The following SLC5A8 variants were observed in gnomAD, a reference collection of about 807,000 sequenced individuals.
SLC5A8 encodes the protein sodium-coupled monocarboxylate transporter 1.
A neutral mutation model predicts 71.9 loss-of-function variants in SLC5A8; 55 were observed. The ratio of observed to expected loss-of-function variants is 0.77; its 90% confidence interval spans 0.62 to 0.96. The LOEUF (loss-of-function observed/expected upper bound fraction) is 0.96. Ranked by LOEUF, SLC5A8 falls within the 40% of genes least tolerant of loss-of-function variation. The probability of loss-of-function intolerance (pLI) is 0.00; values close to 1 mark genes in which losing one functional copy is unlikely to be tolerated. For missense variants in SLC5A8, 701 were observed against 745.3 expected, an observed-to-expected ratio of 0.94 and a Z score of 0.69; for synonymous variants, 307 against 276.1, an observed-to-expected ratio of 1.11 and a Z score of -1.11.
chr12:101,184,305 T>A, intron 7 of SLC5A8, 83 bp from the exon 8 acceptor site: 2 of 1,164,428 alleles, frequency 1.7e-6, no homozygotes, highest in Non-Finnish European at 2.5e-6. Flanking sequence ...TTGTCTTGTC[T>A]CCTTCGGGAA....
intron 5 of SLC5A8, among the ~76,000 whole-genome samples, chr12:101,191,793 T>C (rs1033366406): frequency 6.6e-6 from 1 of 152,228 alleles, no homozygotes; most frequent in Non-Finnish European, 1.5e-5. Flanking sequence ...CAAGGGATAC[T>C]CTTGAAAAGT....
At chr12:101,167,373 C>T (rs1423982774) in intron 11 of SLC5A8, among the ~76,000 whole-genome samples, 1 of 152,094 alleles carries the variant, frequency 6.6e-6, no homozygotes, top group Admixed American at 6.5e-5. Flanking sequence ...AATAGAATTC[C>T]AAATGTGAAG....
intron 10 of SLC5A8, among the ~76,000 whole-genome samples, chr12:101,179,027 C>A (rs528769610): frequency 3.3e-5 from 5 of 152,020 alleles, no homozygotes; most frequent in Non-Finnish European, 7.4e-5. Flanking sequence ...AAAGAAGATA[C>A]ATAGATGAAA....
intron 10 of SLC5A8, among the ~76,000 whole-genome samples, chr12:101,171,694 T>C (rs985141967): frequency 6.6e-6 from 1 of 152,130 alleles, no homozygotes; most frequent in Non-Finnish European, 1.5e-5. Flanking sequence ...CGACCAAGTC[T>C]GGACGGGAAG....
At chr12:101,177,938 G>T (rs2051896144) in intron 10 of SLC5A8, among the ~76,000 whole-genome samples, 1 of 152,008 alleles carries the variant, frequency 6.6e-6, no homozygotes, top group Admixed American at 6.6e-5. Context: ...AAATAAAACT[G>T]CCCCATTCGA....
chr12:101,167,234 A>C (rs950607154), intron 11 of SLC5A8, among the ~76,000 whole-genome samples: 1 of 152,194 alleles, frequency 6.6e-6, no homozygotes, highest in Non-Finnish European at 1.5e-5. Context: ...ACACAAACAA[A>C]TCTCTTTCAT....
Position 101,187,379 on chromosome 12 carries a change from A to G in SLC5A8, c.963+7T>C. ...AATACACCTGTAAGAAAGACATGGT[A>G]CTGAACCTGGTCTGGTGCAGACACT... On this transcript the variant is annotated splice_region_variant and intron_variant, in intron 7 of 14. Transcript: ENST00000536262. The G allele has an allele frequency of 6.2e-7, 1 of 1,612,618 alleles. No homozygotes were observed. Among genetic ancestry groups the G allele is most frequent in the Non-Finnish European group, 8.5e-7 (1 of 1,179,380 alleles).
At position 101,187,517 on chromosome 12, in the gene SLC5A8, T is replaced by C; in HGVS notation, c.834-2A>G. The C allele has an allele frequency of 2.5e-6, 4 of 1,601,620 alleles. No individual in the cohort carries two copies. Among genetic ancestry groups the C allele is most frequent in the Non-Finnish European group, 3.4e-6 (4 of 1,175,798 alleles). On this transcript the variant is annotated splice_acceptor_variant, in intron 6 of 14. Transcript: ENST00000536262. LOFTEE classifies it high-confidence loss of function. ...CCCACAAGATTGATGTAGAGAGACC[T>C]AAAGAAGTGAAAACAAACCAGCAAA...
chr12:101,174,067 A>G (rs1351804290), intron 10 of SLC5A8, among the ~76,000 whole-genome samples: 1 of 152,194 alleles, frequency 6.6e-6, no homozygotes, highest in African/African-American at 2.4e-5. Flanking sequence ...ACAAAGTAAA[A>G]TAAAAACTAC....
In SLC5A8 at chr12:101,183,195, G is replaced by A. The variant is rs1026010495; in HGVS notation, c.1053-280C>T. ...CAAGTAGCTGGGACTACAGGCGCCC[G>A]CCAACAAGCCTGGCTAATTTTTTGT... On this transcript the variant is annotated intron_variant, in intron 8 of 14. Coordinates refer to ENST00000536262, the MANE Select transcript of SLC5A8 (RefSeq NM_145913.5). Among the ~76,000 whole-genome samples, 6 of 151,770 alleles carry A rather than the reference G, an allele frequency of 4.0e-5. No homozygotes were observed. The South Asian group carries it at 6.2e-4, about 16-fold the overall frequency.
chr12:101,192,481 A>G (rs111614935), intron 5 of SLC5A8, among the ~76,000 whole-genome samples: 5 of 152,214 alleles, frequency 3.3e-5, no homozygotes, highest in Non-Finnish European at 7.3e-5. Context: ...CTAATTCAAG[A>G]CAACATGGGT....
chr12:101,173,985 T>G (rs1429866041), intron 10 of SLC5A8, among the ~76,000 whole-genome samples: 3 of 152,036 alleles, frequency 2.0e-5, no homozygotes, highest in Admixed American at 2.0e-4. Flanking sequence ...AAGAATAATT[T>G]TGGCAGGTTT....
chr12:101,205,621 C>G (rs761690821), intron 1 of SLC5A8, among the ~76,000 whole-genome samples: 1 of 151,924 alleles, frequency 6.6e-6, no homozygotes, highest in African/African-American at 2.4e-5. Context: ...GATTTTTTTG[C>G]CCCGTGATCA....
At chr12:101,160,820 C>T (rs192484559) in intron 13 of SLC5A8, among the ~76,000 whole-genome samples, 95 of 151,898 alleles carry the variant, frequency 6.3e-4, no homozygotes, top group East Asian at 2.1e-3. Flanking sequence ...GAGAAAAAAA[C>T]GAGAAAATTA....
At chr12:101,165,462 A>G (rs1307622810) in intron 12 of SLC5A8, among the ~76,000 whole-genome samples, 1 of 151,956 alleles carries the variant, frequency 6.6e-6, no homozygotes, top group Non-Finnish European at 1.5e-5. Flanking sequence ...TAGTGCTTTC[A>G]TGCCTGTCCA....
At position 101,209,626 on chromosome 12, in the gene SLC5A8, G is replaced by T; in HGVS notation, c.223C>A (p.Pro75Thr). The T allele has an allele frequency of 1.2e-6, 2 of 1,614,030 alleles. No homozygotes were observed. The highest frequency in any genetic ancestry group is 8.5e-7 in the Non-Finnish European group (1 of 1,180,026). Residue 75 changes from proline (P) to threonine (T), a missense_variant, in exon 1 of 15, where the codon CCC becomes ACC. Coordinates refer to ENST00000536262, the MANE Select transcript of SLC5A8 (RefSeq NM_145913.5). ...GCCCCAAAACGGTAGACCTCGGAGGGGGTGCCCAGGACAGTGACGGCTGAC... is the reference window on the plus strand; with the variant it reads ...GCCCCAAAACGGTAGACCTCGGAGGTGGTGCCCAGGACAGTGACGGCTGAC... ...FMSAVTVLGT[P>T]SEVYRFGAIF... is the part of the protein sequence containing the mutation.
chr12:101,190,759 A>G, intron 5 of SLC5A8, 151 bp from the exon 6 acceptor site: 1 of 587,302 alleles, frequency 1.7e-6, no homozygotes, highest in Non-Finnish European at 2.6e-6. Flanking sequence ...TAAAAGGTAG[A>G]AATATTTCCA....
At chr12:101,200,009 C>CAAAAA (rs1182463470) in intron 3 of SLC5A8, among the ~76,000 whole-genome samples, 7 of 9,636 alleles carry the variant, frequency 7.3e-4, no homozygotes, top group East Asian at 9.6e-3. Flanking sequence ...GTACTACCAG[C>CAAAAA]AAAAAAAAAA....
Position 101,209,958 on chromosome 12 carries a change from C to T in SLC5A8, c.-110G>A. 9.5e-7 allele frequency: 1 copy of T among 1,047,318 alleles called. No individual in the cohort carries two copies. The highest frequency in any genetic ancestry group is 1.3e-6 in the Non-Finnish European group (1 of 762,276). 64.9% of individuals were successfully genotyped at this position (1,047,318 alleles called of 1,614,324 possible). On this transcript the variant is annotated 5_prime_UTR_variant, in exon 1 of 15. Transcript: ENST00000536262. ...ATCCCTGGCGCGCAGGCGTGGCGTC[C>T]CGCGGGGACTGGAGGCGTCCTCCAG...
Sources: allele counts gnomAD v4.1 joint callset (sites outside exome capture counted in the v4.1 genomes callset), GRCh38; gene constraint gnomAD v4.1.1; transcripts MANE v1.5; gene names NCBI Gene and HGNC (gene_info 2026-07-23, HGNC 2026-07-21).